The following PIP5K1C variants were observed in gnomAD, a reference collection of about 807,000 sequenced individuals.
PIP5K1C encodes phosphatidylinositol 4-phosphate 5-kinase type-1 gamma.
A neutral mutation model predicts 80.1 loss-of-function variants in PIP5K1C; 45 were observed. That is an observed-to-expected ratio of 0.56 (90% confidence interval 0.44 to 0.72). PIP5K1C has a LOEUF of 0.72. Ranked by LOEUF, PIP5K1C falls within the 30% of genes least tolerant of loss-of-function variation. PIP5K1C has a pLI of 0.00. For synonymous variants in PIP5K1C, 498 were observed against 420.1 expected (o/e 1.19, Z -2.27); for missense variants, 753 against 954.6 (o/e 0.79, Z 2.78).
chr19:3,672,916 AG>A (rs2035256088), intron 1 of PIP5K1C, among the ~76,000 whole-genome samples: 1 of 102,022 alleles, frequency 9.8e-6, no homozygotes, highest in South Asian at 3.6e-4. Context: ...GAGAGTGGGC[AG>A]GGCCCTGGAA....
chr19:3,648,422 G>A lies in PIP5K1C; in HGVS notation c.1211+203C>T, dbSNP rs750690766. Among the ~76,000 whole-genome samples, 11 of 152,200 alleles carry A rather than the reference G, an allele frequency of 7.2e-5. No homozygotes were observed. Among genetic ancestry groups the A allele is most frequent in the Non-Finnish European group, 1.5e-4 (10 of 68,028 alleles). ...GGTTGAGGAAGCCCCGAGAGCTGCT[G>A]GTGCGGCTGTTTCCACGGGCAAGCG... On this transcript the variant is annotated intron_variant, in intron 9 of 17. Coordinates refer to ENST00000335312, the MANE Select transcript of PIP5K1C (RefSeq NM_012398.3). This position sits in a 1 kb window ranked among gnomAD's most constrained non-coding sequence, Gnocchi z 4.3.
intron 14 of PIP5K1C, among the ~76,000 whole-genome samples, chr19:3,642,079 C>A (rs1396893073): frequency 6.6e-6 from 1 of 152,320 alleles, no homozygotes; most frequent in South Asian, 2.1e-4. Flanking sequence ...ACAGACCCTG[C>A]CCACCCTCCA....
Position 3,633,498 on chromosome 19 carries a change from A to T in PIP5K1C, c.1943T>A (p.Val648Glu). 6.7e-7 allele frequency: 1 copy of T among 1,497,558 alleles called. No homozygotes were observed. The highest frequency in any genetic ancestry group is 1.4e-5 in the South Asian group (1 of 72,470). 92.8% of individuals were successfully genotyped at this position (1,497,558 alleles called of 1,614,324 possible). ...GGCGCTATAGTGGAGCGGGGAGTAC[A>T]CCCAGCTCCTCTCATCGGTGGGCTG... ...IYFPTDERSWVYSPLHYSAQA... is the reference protein window; with the variant it reads ...IYFPTDERSWEYSPLHYSAQA... Residue 648 changes from valine (V) to glutamate (E), a missense_variant, in exon 17 of 18, where the codon GTG becomes GAG. Physicochemically the swap from Val to Glu is moderately radical, Grantham distance 121 (BLOSUM62 -2). This residue lies in a region of PIP5K1C where 315 missense variants were observed against 294.5 expected (regional missense o/e 1.07). Coordinates refer to ENST00000335312, the MANE Select transcript of PIP5K1C (RefSeq NM_012398.3).
chr19:3,662,121 C>A, intron 3 of PIP5K1C, 120 bp from the exon 4 acceptor site: 3 of 1,273,656 alleles, frequency 2.4e-6, no homozygotes, highest in Admixed American at 2.0e-5. Flanking sequence ...CACCTGCCAA[C>A]CCCCTCCTGG....
chr19:3,646,627 T>C (rs903950597), intron 10 of PIP5K1C, among the ~76,000 whole-genome samples: 1 of 152,204 alleles, frequency 6.6e-6, no homozygotes, highest in Non-Finnish European at 1.5e-5. Flanking sequence ...ACAGCGCTCC[T>C]ATCTGCCCTG....
chr19:3,669,907 G>A (rs955435117), intron 1 of PIP5K1C: 7 of 152,416 alleles, frequency 4.6e-5, no homozygotes, highest in African/African-American at 1.7e-4. Flanking sequence ...GGTCAGAACT[G>A]CCGGAGACAA....
chr19:3,637,926 C>A lies in PIP5K1C; in HGVS notation c.1920+958G>T, dbSNP rs1393586743. The A allele has an allele frequency of 6.5e-7, 1 of 1,535,214 alleles. No homozygotes were observed. The highest frequency in any genetic ancestry group is 1.2e-5 in the South Asian group (1 of 84,042). On this transcript the variant is annotated intron_variant, in intron 16 of 17. Transcript: ENST00000335312. The surrounding 1 kb of genome is among the most constrained non-coding windows in gnomAD (Gnocchi z 7.0). The stretch of plus-strand genomic sequence containing the variant: ...TCCCAGGAAAAGGGGTGACGACGTG[C>A]GGTGGGTAGGGGCACAGGCACGCGG...
Position 3,648,767 on chromosome 19 carries a change from C to A in PIP5K1C, c.1128-59G>T, listed in dbSNP as rs1419722379. The A allele has an allele frequency of 3.4e-6, 5 of 1,481,612 alleles. No individual in the cohort carries two copies. The highest frequency in any genetic ancestry group is 2.3e-5 in the South Asian group (2 of 88,074). The allele number at this position is 1,481,612 out of a possible 1,614,324, so 91.8% of individuals were successfully genotyped here. ...CCGCAGAGCTGGGACTCGGGGCAGG[C>A]GGGGCTGGGGACTCCAGGGCTAGGG... On this transcript the variant is annotated intron_variant, in intron 8 of 17. Coordinates refer to ENST00000335312, the MANE Select transcript of PIP5K1C (RefSeq NM_012398.3). The surrounding 1 kb of genome is among the most constrained non-coding windows in gnomAD (Gnocchi z 4.3).
At chr19:3,672,505 C>G (rs571852975) in intron 1 of PIP5K1C, 3 of 152,534 alleles carry the variant, frequency 2.0e-5, no homozygotes, top group East Asian at 3.9e-4. Flanking sequence ...CACAACAGGC[C>G]TCCGCCAGAG....
chr19:3,689,595 G>C (rs1418245226), intron 1 of PIP5K1C, among the ~76,000 whole-genome samples: 1 of 152,182 alleles, frequency 6.6e-6, no homozygotes, highest in Admixed American at 6.5e-5. Flanking sequence ...GTTTCGGTGA[G>C]CTGAGATCGC....
chr19:3,676,275 T>A (rs567913614), intron 1 of PIP5K1C, among the ~76,000 whole-genome samples: 1 of 152,234 alleles, frequency 6.6e-6, no homozygotes, highest in East Asian at 1.9e-4. Flanking sequence ...CTCAGGTACC[T>A]GCCCGGCCCT....
At chr19:3,672,090 G>A (rs1014456448) in intron 1 of PIP5K1C, among the ~76,000 whole-genome samples, 59 of 152,182 alleles carry the variant, frequency 3.9e-4, no homozygotes, top group Non-Finnish European at 3.5e-4. Context: ...TGCGGTGCAC[G>A]GCTCTGATCG....
At chr19:3,660,130 C>A (rs1458413289) in intron 5 of PIP5K1C, among the ~76,000 whole-genome samples, 1 of 152,140 alleles carries the variant, frequency 6.6e-6, no homozygotes, top group Non-Finnish European at 1.5e-5. Context: ...CCTCTAATCC[C>A]AGCACTACGG....
intron 1 of PIP5K1C, among the ~76,000 whole-genome samples, chr19:3,686,856 C>G (rs2035777122): frequency 6.6e-6 from 1 of 151,856 alleles, no homozygotes; most frequent in Non-Finnish European, 1.5e-5. Context: ...GATTAGGCAA[C>G]AATTTCTTAA....
At position 3,648,310 on chromosome 19, in the gene PIP5K1C, C is replaced by G. The variant is rs1395760478; in HGVS notation, c.1211+315G>C. The stretch of plus-strand genomic sequence containing the variant: ...AGTGCTAGATTACAGGTGTGGACCA[C>G]TACGCCCAACTCACTCTAGATTTTC... On this transcript the variant is annotated intron_variant, in intron 9 of 17. Transcript: ENST00000335312. This position sits in a 1 kb window ranked among gnomAD's most constrained non-coding sequence, Gnocchi z 4.3. Among the ~76,000 whole-genome samples the G allele has an allele frequency of 6.6e-6, 1 of 152,248 alleles. No individual in the cohort carries two copies. The highest frequency in any genetic ancestry group is 6.5e-5 in the Admixed American group (1 of 15,284).
chr19:3,647,507 G>A, intron 9 of PIP5K1C, 121 bp from the exon 10 acceptor site: 1 of 860,770 alleles, frequency 1.2e-6, no homozygotes, highest in South Asian at 1.4e-5. Flanking sequence ...AGTCGTGGCT[G>A]TCAAAACTCA....
At chr19:3,664,700 C>T (rs937626860) in intron 3 of PIP5K1C, 122 bp downstream of exon 3, 2 of 860,418 alleles carry the variant, frequency 2.3e-6, no homozygotes, top group East Asian at 2.5e-5. Context: ...CAGCCCACAC[C>T]TGTCCCTGGG....
intron 10 of PIP5K1C, 125 bp from the exon 11 acceptor site, chr19:3,646,183 T>A (rs2034206853): frequency 2.9e-6 from 2 of 681,168 alleles, no homozygotes; most frequent in South Asian, 3.1e-5. Flanking sequence ...TCGAGATGGG[T>A]CCATGGCGCC....
At position 3,692,016 on chromosome 19, in the gene PIP5K1C, G is replaced by A. The variant is rs900987716; in HGVS notation, c.94+8281C>T. On this transcript the variant is annotated intron_variant, in intron 1 of 17. Transcript: ENST00000335312. The surrounding 1 kb of genome is among the most constrained non-coding windows in gnomAD (Gnocchi z 5.2). ...CCCCGCCCATGTCAGCGCATGCACC[G>A]TGGCCAGTCCAAGCACCGCACGGGA... 2.1e-4 allele frequency among the ~76,000 whole-genome samples: 32 copies of A among 152,268 alleles called. No homozygotes were observed. The highest frequency in any genetic ancestry group is 7.0e-4 in the African/African-American group (29 of 41,558).
Sources: gnomAD v4.1 joint callset for allele counts (sites outside exome capture counted in the v4.1 genomes callset) on GRCh38, gnomAD v4.1.1 for gene constraint, gnomAD v4.1.1 regional missense constraint, Gnocchi (gnomAD v3.1) non-coding constraint, MANE v1.5 for transcripts, NCBI Gene and HGNC (gene_info 2026-07-23, HGNC 2026-07-21) for gene names.